NECAB2: variants seen among roughly 807,000 people sequenced by gnomAD.
NECAB2 encodes the protein N-terminal EF-hand calcium binding protein 2.
A neutral mutation model predicts 51.9 loss-of-function variants in NECAB2; 68 were observed. The observed-to-expected ratio is 1.31, with a 90% CI of 1.08 to 1.60. NECAB2 has a LOEUF of 1.60. Ranked by LOEUF, NECAB2 falls within the 40% of genes most tolerant of loss-of-function variation. The pLI, the probability that NECAB2 is intolerant of heterozygous loss-of-function variation, is 0.00. For synonymous variants in NECAB2, 329 were observed against 203.5 expected (o/e 1.62, Z -5.25); for missense variants, 854 against 490.3 (o/e 1.74, Z -7.00).
intron 6 of NECAB2, chr16:83,993,550 A>G (rs1005267766): frequency 3.3e-5 from 5 of 153,570 alleles, no homozygotes; most frequent in African/African-American, 1.2e-4. Flanking sequence ...ATCCTTTTGC[A>G]TGGGAGGATT....
chr16:83,970,634 C>G (rs1234618202), intron 1 of NECAB2, among the ~76,000 whole-genome samples: 3 of 152,124 alleles, frequency 2.0e-5, no homozygotes, highest in Non-Finnish European at 2.9e-5. Flanking sequence ...GTGAGTATTA[C>G]CTCCTCCTCC....
chr16:84,000,155 A>C (rs977928638), intron 10 of NECAB2, among the ~76,000 whole-genome samples: 2 of 151,902 alleles, frequency 1.3e-5, no homozygotes, highest in Non-Finnish European at 2.9e-5. Context: ...ACCCCTCAAG[A>C]CTTCCCAAAG....
chr16:83,999,223 ACT>A (rs978942547), intron 10 of NECAB2, among the ~76,000 whole-genome samples: 2 of 151,802 alleles, frequency 1.3e-5, no homozygotes, highest in Admixed American at 1.3e-4. Context: ...CGTTCCCGAG[ACT>A]CGGCGTGGCC....
At chr16:84,000,308 C>T (rs956164505) in intron 10 of NECAB2, among the ~76,000 whole-genome samples, 4 of 152,284 alleles carry the variant, frequency 2.6e-5, no homozygotes, top group African/African-American at 9.6e-5. Context: ...GGTGAGAAGA[C>T]AGCCTGAGCC....
At chr16:83,979,776 C>T (rs1025547384) in intron 3 of NECAB2, among the ~76,000 whole-genome samples, 4 of 152,050 alleles carry the variant, frequency 2.6e-5, no homozygotes, top group Admixed American at 6.5e-5. Flanking sequence ...GGAGGACTCG[C>T]GGTTATGGAA....
intron 11 of NECAB2, 114 bp from the exon 12 acceptor site, chr16:84,001,711 C>T (rs549670058): frequency 1.3e-5 from 14 of 1,103,492 alleles, no homozygotes; most frequent in Non-Finnish European, 1.5e-5. Context: ...TCCAAAGACC[C>T]CCCGTGCTTA....
chr16:83,999,119 AG>A (rs889720102), intron 10 of NECAB2, among the ~76,000 whole-genome samples: 7 of 152,132 alleles, frequency 4.6e-5, no homozygotes, highest in African/African-American at 1.7e-4. Context: ...GGTCTTTGAG[AG>A]GGGTCTTCTT....
intron 6 of NECAB2, among the ~76,000 whole-genome samples, chr16:83,993,059 C>T (rs187130312): frequency 8.3e-4 from 126 of 152,288 alleles, no homozygotes; most frequent in African/African-American, 3.0e-3. Context: ...TCAGACGGGG[C>T]AGCTTGTCGT....
upstream of NECAB2, among the ~76,000 whole-genome samples, chr16:83,967,740 A>ATGGG (rs1472907245): frequency 0.021 from 2,737 of 128,172 alleles, 57 homozygotes; most frequent in African/African-American, 0.044. Context: ...GGATGGATGG[A>ATGGG]TGGATGGGAG....
At chr16:84,001,069 G>A (rs535503853) in intron 11 of NECAB2, among the ~76,000 whole-genome samples, 9 of 152,100 alleles carry the variant, frequency 5.9e-5, no homozygotes, top group Non-Finnish European at 1.3e-4. Flanking sequence ...TTGTCCTCCT[G>A]GAACAGCCCT....
upstream of NECAB2, chr16:83,965,207 G>C: frequency 6.2e-7 from 1 of 1,613,120 alleles, no homozygotes; most frequent in South Asian, 1.1e-5. Context: ...CAGCAGCTGT[G>C]GGGCCCAGGA....
rs762987855 is a variant in NECAB2, at chr16:84,001,800, A to T, written c.1041-25A>T. The T allele has an allele frequency of 5.6e-6, 9 of 1,612,864 alleles. No individual in the cohort carries two copies. The East Asian group carries it at 2.0e-4, about 36-fold the overall frequency. On this transcript the variant is annotated intron_variant, in intron 11 of 12. Transcript: ENST00000305202. ...CGGAGCTCCACTCCTGCCACCCCTG[A>T]CTCACACATGTCCCTGCGTCACAGG...
chr16:83,980,155 A>T (rs1282105210), intron 3 of NECAB2, among the ~76,000 whole-genome samples: 1 of 152,214 alleles, frequency 6.6e-6, no homozygotes, highest in African/African-American at 2.4e-5. Context: ...GGTCCCTTGC[A>T]CATTGACTTG....
At chr16:83,996,949 A>C (rs899959683) in intron 8 of NECAB2, among the ~76,000 whole-genome samples, 2 of 151,718 alleles carry the variant, frequency 1.3e-5, no homozygotes, top group African/African-American at 4.9e-5. Flanking sequence ...GTTGCTCATC[A>C]TAGTGGCAAA....
chr16:83,969,994 C>T (rs1032147250), intron 1 of NECAB2, among the ~76,000 whole-genome samples: 9 of 152,194 alleles, frequency 5.9e-5, no homozygotes, highest in Admixed American at 3.3e-4. Flanking sequence ...CACACATTCA[C>T]ACACTCACGC....
intron 12 of NECAB2, 146 bp from the exon 13 acceptor site, chr16:84,002,172 G>T (rs1274313218): frequency 1.8e-6 from 2 of 1,118,352 alleles, no homozygotes; most frequent in East Asian, 2.4e-5. Flanking sequence ...CAGGTGTGTG[G>T]TTTGCACCTG....
rs1317999795 is a variant in NECAB2, at chr16:83,968,748, G to A, written c.100G>A (p.Val34Met). The A allele has an allele frequency of 7.5e-6, 8 of 1,072,270 alleles. No homozygotes were observed. Among genetic ancestry groups the A allele is most frequent in the Non-Finnish European group, 7.9e-6 (7 of 887,934 alleles). 66.4% of individuals were successfully genotyped at this position (1,072,270 alleles called of 1,614,324 possible). A position where few individuals can be genotyped will look rare whatever the true frequency, so the allele number is the denominator to read the frequency against. The change falls in exon 1 of 13, where the codon GTG becomes ATG. Residue 34 changes from valine (V) to methionine (M), a missense_variant. Transcript: ENST00000305202. Reference sequence around the variant, plus strand: ...GGCGCTGGGCGGGCTGCTGCGCTGGGTGGGCGCCAGGATGGGCGAGCCCCG... The same window carrying A: ...GGCGCTGGGCGGGCTGCTGCGCTGGATGGGCGCCAGGATGGGCGAGCCCCG... ...GRALGGLLRWVGARMGEPRES... is the reference protein window; with the variant it reads ...GRALGGLLRWMGARMGEPRES...
At chr16:83,995,337 C>A (rs565796332) in intron 8 of NECAB2, among the ~76,000 whole-genome samples, 1 of 152,220 alleles carries the variant, frequency 6.6e-6, no homozygotes, top group Non-Finnish European at 1.5e-5. Flanking sequence ...AGCTGTGTGA[C>A]CCTGGGCCAG....
At chr16:83,979,675 G>A (rs920870154) in intron 3 of NECAB2, among the ~76,000 whole-genome samples, 3 of 151,974 alleles carry the variant, frequency 2.0e-5, no homozygotes, top group Non-Finnish European at 2.9e-5. Flanking sequence ...TAGGACCAGC[G>A]GGGTAGAGGA....
Sources: gnomAD v4.1 joint callset for allele counts (sites outside exome capture counted in the v4.1 genomes callset) on GRCh38, gnomAD v4.1.1 for gene constraint, MANE v1.5 for transcripts, NCBI Gene and HGNC (gene_info 2026-07-23, HGNC 2026-07-21) for gene names.